The following AKAP19 variants were observed in gnomAD, a reference collection of about 807,000 sequenced individuals.
AKAP19 encodes the protein small A-kinase anchoring protein.
the AKAP19 span, among the ~76,000 whole-genome samples, chr2:190,195,947 T>TTTC: frequency 1.3e-5 from 2 of 150,070 alleles, no homozygotes; most frequent in African/African-American, 4.9e-5. Flanking sequence ...CCAGCTTTTT[T>TTTC]TTTTTTTTTT....
At chr2:189,976,210 A>C in the AKAP19 span, among the ~76,000 whole-genome samples, 5 of 152,190 alleles carry the variant, frequency 3.3e-5, no homozygotes, top group African/African-American at 1.2e-4. Flanking sequence ...AGGATCCTCC[A>C]CTGCAGGCCT....
the AKAP19 span, among the ~76,000 whole-genome samples, chr2:190,147,700 T>C: frequency 5.3e-5 from 8 of 152,010 alleles, no homozygotes; most frequent in East Asian, 7.8e-4. Flanking sequence ...GTTCTCCTTG[T>C]AGAGGTCTTT....
the AKAP19 span, among the ~76,000 whole-genome samples, chr2:190,019,558 C>CA: frequency 6.6e-6 from 1 of 152,002 alleles, no homozygotes; most frequent in Non-Finnish European, 1.5e-5. Flanking sequence ...CACAGAGCTA[C>CA]AACCAAGATT....
chr2:189,933,303 T>C, the AKAP19 span, among the ~76,000 whole-genome samples: 58 of 152,156 alleles, frequency 3.8e-4, no homozygotes, highest in Non-Finnish European at 7.1e-4. Flanking sequence ...AGAAACAGTG[T>C]CTTAGAAAAT....
At chr2:190,096,964 T>C in the AKAP19 span, among the ~76,000 whole-genome samples, 1 of 152,212 alleles carries the variant, frequency 6.6e-6, no homozygotes, top group Non-Finnish European at 1.5e-5. Context: ...CCCCACCTCT[T>C]GATACTGTTA....
At chr2:189,937,530 A>C in the AKAP19 span, among the ~76,000 whole-genome samples, 1 of 152,232 alleles carries the variant, frequency 6.6e-6, no homozygotes, top group Non-Finnish European at 1.5e-5. Flanking sequence ...AATCACAGGG[A>C]AATCAAGAAC....
the AKAP19 span, among the ~76,000 whole-genome samples, chr2:190,033,410 T>C: frequency 6.6e-6 from 1 of 152,146 alleles, no homozygotes; most frequent in African/African-American, 2.4e-5. Context: ...AAAATAATGA[T>C]GGTATGAAAT....
At chr2:190,013,163 T>C in the AKAP19 span, among the ~76,000 whole-genome samples, 2 of 152,240 alleles carry the variant, frequency 1.3e-5, no homozygotes, top group African/African-American at 4.8e-5. Context: ...TTCAATTTTT[T>C]GGAAGACTTT....
At chr2:190,005,841 A>G in the AKAP19 span, among the ~76,000 whole-genome samples, 1 of 152,214 alleles carries the variant, frequency 6.6e-6, no homozygotes, top group African/African-American at 2.4e-5. Context: ...GTCATCTGGC[A>G]TTCTTCTTTT....
the AKAP19 span, among the ~76,000 whole-genome samples, chr2:190,008,758 ACACACACACACACC>A: frequency 3.1e-4 from 37 of 117,914 alleles, no homozygotes; most frequent in Admixed American, 1.2e-3. Flanking sequence ...ACACACACAC[ACACACACACACACC>A]CACCTGGTCT....
the AKAP19 span, among the ~76,000 whole-genome samples, chr2:190,185,477 T>G: frequency 6.6e-6 from 1 of 152,200 alleles, no homozygotes; most frequent in East Asian, 1.9e-4. Flanking sequence ...CTTTACTAGT[T>G]GGTCAGAGCT....
chr2:190,040,364 G>A, the AKAP19 span, among the ~76,000 whole-genome samples: 1 of 151,984 alleles, frequency 6.6e-6, no homozygotes, highest in Non-Finnish European at 1.5e-5. Context: ...TTTTTAATGG[G>A]GTTGTTTTTC....
chr2:190,190,688 G>A, the AKAP19 span, among the ~76,000 whole-genome samples: 134 of 152,312 alleles, frequency 8.8e-4, 2 homozygotes, highest in East Asian at 0.021. Context: ...TGCGTTGCAT[G>A]TCCTCACCAA....
the AKAP19 span, among the ~76,000 whole-genome samples, chr2:190,123,118 A>G: frequency 6.6e-6 from 1 of 152,116 alleles, no homozygotes; most frequent in Admixed American, 6.5e-5. Context: ...CACACTAAAT[A>G]TAGAATATTC....
chr2:190,119,436 C>T, the AKAP19 span, among the ~76,000 whole-genome samples: 1 of 152,182 alleles, frequency 6.6e-6, no homozygotes, highest in Non-Finnish European at 1.5e-5. Context: ...CTGGCCCTCC[C>T]ACCTTAGTCT....
At chr2:189,962,518 A>G in the AKAP19 span, among the ~76,000 whole-genome samples, 2 of 152,218 alleles carry the variant, frequency 1.3e-5, no homozygotes, top group Admixed American at 1.3e-4. Context: ...AACAAGAACT[A>G]TTACTAACAG....
the AKAP19 span, among the ~76,000 whole-genome samples, chr2:189,999,981 T>TA: frequency 1.3e-5 from 2 of 152,206 alleles, no homozygotes; most frequent in Admixed American, 1.3e-4. Flanking sequence ...AAAATGGACT[T>TA]ATGGGTATAT....
chr2:190,148,865 G>A, the AKAP19 span, among the ~76,000 whole-genome samples: 2 of 151,404 alleles, frequency 1.3e-5, no homozygotes, highest in African/African-American at 2.4e-5. Flanking sequence ...CTCCTGTTTC[G>A]TTTCTTAGTG....
At chr2:190,046,126 G>C in the AKAP19 span, among the ~76,000 whole-genome samples, 1 of 152,126 alleles carries the variant, frequency 6.6e-6, no homozygotes, top group South Asian at 2.1e-4. Context: ...TTGTTTCCTT[G>C]ATTAGTCCCA....
Sources: gnomAD v4.1 joint callset for allele counts (sites outside exome capture counted in the v4.1 genomes callset) on GRCh38, gnomAD v4.1.1 for gene constraint, MANE v1.5 for transcripts, NCBI Gene and HGNC (gene_info 2026-07-23, HGNC 2026-07-21) for gene names.